Variants in PPP2R3B observed in about 807,000 individuals in gnomAD.
PPP2R3B encodes the protein serine/threonine-protein phosphatase 2A regulatory subunit B'' subunit beta.
A neutral mutation model predicts 72.9 loss-of-function variants in PPP2R3B; 68 were observed. The observed-to-expected ratio is 0.93, with a 90% CI of 0.77 to 1.14. The LOEUF (loss-of-function observed/expected upper bound fraction) is 1.14. PPP2R3B is among the 50% of genes most tolerant of loss of function. The pLI, the probability that PPP2R3B is intolerant of heterozygous loss-of-function variation, is 0.00. For missense variants in PPP2R3B, 1,018 were observed against 842.0 expected, an observed-to-expected ratio of 1.21 and a Z score of -2.59; for synonymous variants, 466 against 375.8, an observed-to-expected ratio of 1.24 and a Z score of -2.78.
chrX:347,155 GCCCT>G (rs2071237179), intron 4 of PPP2R3B, 75 bp downstream of exon 4: 1 of 80,230 alleles, frequency 1.2e-5, no homozygotes, highest in Non-Finnish European at 2.1e-5. Flanking sequence ...GTAGACGCCG[GCCCT>G]CCCATGAGGC....
intron 1 of PPP2R3B, among the ~76,000 whole-genome samples, chrX:362,527 CA>C (rs747723470): frequency 0.012 from 1,887 of 151,784 alleles, 19 homozygotes; most frequent in Non-Finnish European, 0.019. Flanking sequence ...CCTCCCCCAT[CA>C]ACTACTCAGG....
At position 338,295 on chromosome X, in the gene PPP2R3B, C is replaced by T. The variant is rs187832359; in HGVS notation, c.1577+309G>A. 7.9e-4 allele frequency: 422 copies of T among 533,826 alleles called. 2 individuals carry two copies. The highest frequency in any genetic ancestry group is 6.7e-3 in the African/African-American group (354 of 52,504). The allele number at this position is 533,826 out of a possible 1,614,324, so 33.1% of individuals were successfully genotyped here. ...GTGCCAGCCGTGGGATAAGGACAGACGTCGTTGGCGAAACACGACTCGGCC... is the reference window on the plus strand; with the variant it reads ...GTGCCAGCCGTGGGATAAGGACAGATGTCGTTGGCGAAACACGACTCGGCC... On this transcript the variant is annotated intron_variant, in intron 12 of 12. Transcript: ENST00000390665.
chrX:338,076 G>A (rs1210847913), intron 12 of PPP2R3B: 7 of 169,684 alleles, frequency 4.1e-5, no homozygotes, highest in East Asian at 1.6e-4. Context: ...ACCACGTGAA[G>A]AGGGGGTGAA....
chrX:343,777 G>GA (rs1357919234), intron 7 of PPP2R3B, among the ~76,000 whole-genome samples: 2 of 11,030 alleles, frequency 1.8e-4, no homozygotes, highest in Non-Finnish European at 4.3e-4. Context: ...AGCAACGGGA[G>GA]GGGGGGAGGG....
intron 2 of PPP2R3B, among the ~76,000 whole-genome samples, chrX:358,701 C>T (rs2071482285): frequency 6.6e-6 from 1 of 152,268 alleles, no homozygotes; most frequent in South Asian, 2.1e-4. Flanking sequence ...TGCGTGGAAG[C>T]GAGGTGACAC....
At chrX:338,412 C>A (rs2070948113) in intron 12 of PPP2R3B, 192 bp downstream of exon 12, 6 of 637,668 alleles carry the variant, frequency 9.4e-6, no homozygotes, top group Middle Eastern at 4.2e-4. Flanking sequence ...GAGGCCCGGC[C>A]CTGTCATCGG....
At chrX:338,291 C>T (rs1313090937) in intron 12 of PPP2R3B, 1 of 528,786 alleles carries the variant, frequency 1.9e-6, no homozygotes, top group South Asian at 2.0e-5. Flanking sequence ...GGGATAAGGA[C>T]AGACGTCGTT....
At chrX:362,508 A>C (rs2071563174) in intron 1 of PPP2R3B, among the ~76,000 whole-genome samples, 1 of 150,360 alleles carries the variant, frequency 6.7e-6, no homozygotes, top group Non-Finnish European at 1.5e-5. Flanking sequence ...ACTCGGGACG[A>C]GGCTTCGTCC....
intron 1 of PPP2R3B, among the ~76,000 whole-genome samples, chrX:376,060 G>A (rs1169519988): frequency 6.6e-6 from 1 of 152,118 alleles, no homozygotes; most frequent in South Asian, 2.1e-4. Context: ...GCATGGTGGC[G>A]GGTGCCTGTC....
chrX:345,767 CG>C, intron 6 of PPP2R3B, 95 bp from the exon 7 acceptor site: 5 of 344,670 alleles, frequency 1.5e-5, no homozygotes, highest in South Asian at 1.3e-4. Flanking sequence ...CTGGGAGGGT[CG>C]GGGCCGCTCC....
chrX:348,025 C>T (rs2071259599), intron 2 of PPP2R3B, among the ~76,000 whole-genome samples: 1 of 152,128 alleles, frequency 6.6e-6, no homozygotes, highest in African/African-American at 2.4e-5. Context: ...GAATAAATGG[C>T]CCCGTCAGCC....
intron 1 of PPP2R3B, chrX:362,252 C>CA (rs1402518926): frequency 6.5e-6 from 1 of 154,226 alleles, no homozygotes; most frequent in Non-Finnish European, 1.4e-5. Context: ...CCAGAACACT[C>CA]ACTCAAGAGT....
rs372880028 is a variant in PPP2R3B, at chrX:338,914, C to G, written c.1352-18G>C. ...GATCTTCCCTGCGGGGAGGGGAGTG[C>G]GTCCAAGGCGCGTGAGCCCGGTCTC... is the stretch of plus-strand genomic sequence containing the variant. On this transcript the variant is annotated intron_variant, in intron 10 of 12. Transcript: ENST00000390665. 15 of 1,604,472 alleles carry G rather than the reference C, an allele frequency of 9.3e-6. No homozygotes were observed. In the East Asian group the frequency reaches 2.9e-4, roughly 31 times the overall value.
intron 12 of PPP2R3B, 48 bp downstream of exon 12, chrX:338,556 C>T (rs747575687): frequency 8.2e-5 from 113 of 1,373,582 alleles, no homozygotes; most frequent in Non-Finnish European, 1.0e-4. Flanking sequence ...CCCACTCACC[C>T]GTCCTCCCAC....
chrX:366,903 C>G (rs2071726049), intron 1 of PPP2R3B, among the ~76,000 whole-genome samples: 2 of 151,172 alleles, frequency 1.3e-5, no homozygotes, highest in Non-Finnish European at 2.9e-5. Context: ...TGGCGCATGC[C>G]TGTAATCCCA....
Position 386,581 on chromosome X carries a change from G to T in PPP2R3B, c.111C>A (p.Arg37=), listed in dbSNP as rs781445696. 8 of 1,450,596 alleles carry T rather than the reference G, an allele frequency of 5.5e-6. No homozygotes were observed. Among genetic ancestry groups the T allele is most frequent in the Non-Finnish European group, 7.3e-6 (8 of 1,101,930 alleles). 89.9% of individuals were successfully genotyped at this position (1,450,596 alleles called of 1,614,324 possible). Residue 37 remains arginine (R), a synonymous_variant, in exon 1 of 13, where the codon CGC becomes CGA. Coordinates refer to ENST00000390665, the MANE Select transcript of PPP2R3B (RefSeq NM_013239.5). ...STQRMLQDCL[R]RIKAPGRDQP... is the part of the protein sequence containing the mutation. ...GGTCCCGCCCGGGCGCCTTGATCCG[G>T]CGCAGGCAGTCCTGCAGCATCCGCT...
At chrX:378,838 G>A (rs745988164) in intron 1 of PPP2R3B, among the ~76,000 whole-genome samples, 9 of 152,338 alleles carry the variant, frequency 5.9e-5, no homozygotes, top group South Asian at 2.1e-4. Flanking sequence ...CGAAGGCAGT[G>A]AGAACTGAAC....
chrX:383,996 G>GT (rs1367987801), intron 1 of PPP2R3B, among the ~76,000 whole-genome samples: 1 of 151,752 alleles, frequency 6.6e-6, no homozygotes, highest in Non-Finnish European at 1.5e-5. Context: ...AATCAACATC[G>GT]TAAGACTGAC....
intron 1 of PPP2R3B, among the ~76,000 whole-genome samples, chrX:386,123 G>A (rs1479635802): frequency 6.6e-6 from 1 of 151,476 alleles, no homozygotes; most frequent in Non-Finnish European, 1.5e-5. Flanking sequence ...AATAAAATAG[G>A]AAGCCTTTCT....
Sources: gnomAD v4.1 joint callset for allele counts (sites outside exome capture counted in the v4.1 genomes callset) on GRCh38, gnomAD v4.1.1 for gene constraint, MANE v1.5 for transcripts, NCBI Gene and HGNC (gene_info 2026-07-23, HGNC 2026-07-21) for gene names.